The following KCNIP4 variants were observed in gnomAD, a reference collection of about 807,000 sequenced individuals.
KCNIP4 encodes potassium voltage-gated channel interacting protein 4, also known as Kv channel-interacting protein 4.
Under a neutral mutation model 34.0 loss-of-function variants are expected in KCNIP4, and 12 were observed. The observed-to-expected ratio is 0.35, with a 90% CI of 0.23 to 0.57. The LOEUF is 0.57. KCNIP4 is among the 20% of genes least tolerant of loss of function. KCNIP4 has a pLI of 0.83. For missense variants in KCNIP4, 238 were observed against 311.7 expected (o/e 0.76, Z 1.78); for synonymous variants, 124 against 102.2 (o/e 1.21, Z -1.29).
chr4:21,890,585 G>C (rs766856445), intron 1 of KCNIP4, among the ~76,000 whole-genome samples: 26 of 152,144 alleles, frequency 1.7e-4, no homozygotes, highest in Admixed American at 5.2e-4. Context: ...CTTCATACCA[G>C]ATACTACCAC....
intron 1 of KCNIP4, among the ~76,000 whole-genome samples, chr4:21,896,720 A>T (rs1727408908): frequency 6.6e-6 from 1 of 152,070 alleles, no homozygotes; most frequent in Non-Finnish European, 1.5e-5. Context: ...GGAGTTTGAG[A>T]TCAGGCTGGC....
intron 7 of KCNIP4, 68 bp from the exon 8 acceptor site, chr4:20,732,136 G>T (rs1748441724): frequency 9.5e-7 from 1 of 1,057,930 alleles, no homozygotes; most frequent in South Asian, 1.4e-5. Flanking sequence ...TGGACCAAAT[G>T]AGCTGAAGCT....
intron 1 of KCNIP4, among the ~76,000 whole-genome samples, chr4:21,290,010 A>C (rs765108471): frequency 1.3e-5 from 2 of 152,190 alleles, no homozygotes; most frequent in Non-Finnish European, 2.9e-5. Context: ...CTTAGCAGGT[A>C]CAAAAAAAAA....
intron 1 of KCNIP4, among the ~76,000 whole-genome samples, chr4:21,220,399 G>A (rs1014998410): frequency 1.3e-5 from 2 of 152,100 alleles, no homozygotes; most frequent in Non-Finnish European, 2.9e-5. Flanking sequence ...TCACACACCG[G>A]GGCCTGTTAT....
At chr4:21,922,522 G>A (rs1728992914) in intron 1 of KCNIP4, among the ~76,000 whole-genome samples, 1 of 152,120 alleles carries the variant, frequency 6.6e-6, no homozygotes, top group Non-Finnish European at 1.5e-5. Context: ...AGATTAATCA[G>A]AAAAGACATT....
rs572409594 is a variant in KCNIP4, at chr4:20,976,918, C to T, written c.62-94209G>A. Reference sequence around the variant, plus strand: ...GTGTGATCTTGGATCACTGTATCCTCCACCTCCTGGGTTCAAGCGATTCTC... The same window carrying T: ...GTGTGATCTTGGATCACTGTATCCTTCACCTCCTGGGTTCAAGCGATTCTC... On this transcript the variant is annotated intron_variant, in intron 1 of 8. Transcript: ENST00000382152. Among the ~76,000 whole-genome samples the T allele has an allele frequency of 2.6e-5, 4 of 152,152 alleles. No homozygotes were observed. The South Asian group carries it at 8.3e-4, about 32-fold the overall frequency.
At chr4:21,945,889 CT>C (rs1384393539) in intron 1 of KCNIP4, among the ~76,000 whole-genome samples, 1 of 151,052 alleles carries the variant, frequency 6.6e-6, no homozygotes, top group Non-Finnish European at 1.5e-5. Flanking sequence ...AAAGTGAGCA[CT>C]CTAATTTGTA....
chr4:20,803,439 C>G (rs910575157), intron 3 of KCNIP4, among the ~76,000 whole-genome samples: 1 of 134,882 alleles, frequency 7.4e-6, no homozygotes, highest in Non-Finnish European at 1.5e-5. Context: ...TCAAGACCAG[C>G]CTGGGGAACA....
intron 1 of KCNIP4, among the ~76,000 whole-genome samples, chr4:21,714,805 T>C (rs1383455759): frequency 5.7e-3 from 1 of 176 alleles, no homozygotes; most frequent in African/African-American, 0.12. Flanking sequence ...TTTTATTTTA[T>C]TTTATTTTAT....
chr4:21,171,900 G>T (rs1188119620), intron 1 of KCNIP4, among the ~76,000 whole-genome samples: 1 of 152,134 alleles, frequency 6.6e-6, no homozygotes, highest in African/African-American at 2.4e-5. Flanking sequence ...TTGGGCAAGT[G>T]GGAACTTGTG....
At chr4:21,040,011 G>A (rs1741813146) in intron 1 of KCNIP4, among the ~76,000 whole-genome samples, 1 of 152,158 alleles carries the variant, frequency 6.6e-6, no homozygotes, top group African/African-American at 2.4e-5. Context: ...CATGGCGGCA[G>A]GTGAGAGAGT....
At chr4:20,848,298 G>A (rs1341146794) in intron 3 of KCNIP4, among the ~76,000 whole-genome samples, 1 of 151,902 alleles carries the variant, frequency 6.6e-6, no homozygotes, top group East Asian at 1.9e-4. Context: ...AGAGGAAGAG[G>A]AGGATGGGGA....
intron 1 of KCNIP4, among the ~76,000 whole-genome samples, chr4:20,918,412 A>T (rs540644992): frequency 6.6e-6 from 1 of 152,304 alleles, no homozygotes; most frequent in South Asian, 2.1e-4. Flanking sequence ...ATACAGGAGC[A>T]GATCCAAGTC....
At chr4:21,245,618 A>C (rs988874371) in intron 1 of KCNIP4, among the ~76,000 whole-genome samples, 5 of 152,184 alleles carry the variant, frequency 3.3e-5, no homozygotes, top group African/African-American at 1.2e-4. Context: ...ATAATATTCA[A>C]AACTAACAAT....
At chr4:21,903,903 A>AT (rs940268655) in intron 1 of KCNIP4, among the ~76,000 whole-genome samples, 5 of 152,118 alleles carry the variant, frequency 3.3e-5, no homozygotes, top group African/African-American at 1.2e-4. Flanking sequence ...TTTTATTTTC[A>AT]TTTTTAACAA....
At chr4:21,032,329 G>T (rs1231255814) in intron 1 of KCNIP4, among the ~76,000 whole-genome samples, 2 of 152,038 alleles carry the variant, frequency 1.3e-5, no homozygotes, top group East Asian at 1.9e-4. Context: ...CTGGAGAGCT[G>T]GGGAATATAT....
chr4:21,098,123 C>A (rs1190262743), intron 1 of KCNIP4, among the ~76,000 whole-genome samples: 1 of 152,166 alleles, frequency 6.6e-6, no homozygotes. Flanking sequence ...ACTTTCTTCA[C>A]TTCTATGAAG....
intron 1 of KCNIP4, among the ~76,000 whole-genome samples, chr4:21,221,436 G>C (rs1037472876): frequency 2.0e-5 from 3 of 152,124 alleles, no homozygotes; most frequent in Non-Finnish European, 2.9e-5. Flanking sequence ...AATCATGGTG[G>C]AAGGGGAAGG....
chr4:20,905,988 C>T (rs1727717321), intron 1 of KCNIP4, among the ~76,000 whole-genome samples: 1 of 151,990 alleles, frequency 6.6e-6, no homozygotes, highest in Non-Finnish European at 1.5e-5. Flanking sequence ...GACACAATTC[C>T]ACCACTAACG....
Sources: gnomAD v4.1 joint callset for allele counts (sites outside exome capture counted in the v4.1 genomes callset) on GRCh38, gnomAD v4.1.1 for gene constraint, MANE v1.5 for transcripts, NCBI Gene and HGNC (gene_info 2026-07-23, HGNC 2026-07-21) for gene names.